CERKL: variants seen among roughly 807,000 people sequenced by gnomAD.
The protein encoded by CERKL is CERK like autophagy regulator.
In CERKL, 61 loss-of-function variants were observed where a neutral mutation model predicts 63.4. The observed-to-expected ratio is 0.96, with a 90% CI of 0.78 to 1.19. The LOEUF is 1.19. Among genes scored for constraint, CERKL ranks in the 50% most tolerant of loss-of-function variants. CERKL has a pLI of 0.00. For missense variants in CERKL, 675 were observed against 655.5 expected (o/e 1.03, Z -0.33); for synonymous variants, 250 against 230.5 (o/e 1.08, Z -0.77).
chr2:181,537,286 CTATA>C lies in CERKL; in HGVS notation c.*894_*897del, dbSNP rs1559063321. 1 of 453,600 alleles carries C rather than the reference CTATA, an allele frequency of 2.2e-6. No homozygotes were observed. Among genetic ancestry groups the C allele is most frequent in the South Asian group, 1.6e-5 (1 of 64,468 alleles). The allele number at this position is 453,600 out of a possible 1,614,324, so 28.1% of individuals were successfully genotyped here. A position where few individuals can be genotyped will look rare whatever the true frequency, so the allele number is the denominator to read the frequency against. On this transcript the variant is annotated 3_prime_UTR_variant, in exon 13 of 13. Coordinates refer to ENST00000410087, the MANE Select transcript of CERKL (RefSeq NM_201548.5). ...CCTACTCAGAACTACTCAGAAACAA[CTATA>C]TATTTCAGGTTATCTGAGCACAGTG...
rs996686549 is a variant in CERKL, at chr2:181,536,711, CTA to C, written c.*1471_*1472del. ...AAAATATTTTTATAGTTTGTTCATA[CTA>C]TATGAGGTTCTATTTTAAATGACTT... On this transcript the variant is annotated 3_prime_UTR_variant, in exon 13 of 13. Transcript: ENST00000410087. The C allele has an allele frequency of 6.9e-5, 15 of 215,886 alleles. No homozygotes were observed. The highest frequency in any genetic ancestry group is 1.2e-4 in the African/African-American group (5 of 42,440). The allele number at this position is 215,886 out of a possible 1,614,324, so 13.4% of individuals were successfully genotyped here.
Position 181,537,123 on chromosome 2 carries a change from T to A in CERKL, c.*1061A>T, listed in dbSNP as rs201830699. 8.8e-6 allele frequency: 4 copies of A among 453,114 alleles called. No homozygotes were observed. The highest frequency in any genetic ancestry group is 6.2e-5 in the South Asian group (4 of 64,324). 28.1% of individuals were successfully genotyped at this position (453,114 alleles called of 1,614,324 possible). On this transcript the variant is annotated 3_prime_UTR_variant, in exon 13 of 13. Transcript: ENST00000410087. ...TAAACTTTATGACATTTATGTATTT[T>A]TAAAAAACTTTGTATCGTTATAAAA...
intron 1 of CERKL, among the ~76,000 whole-genome samples, chr2:181,633,975 A>C (rs1687070807): frequency 6.6e-6 from 1 of 152,178 alleles, no homozygotes; most frequent in South Asian, 2.1e-4. Context: ...ATAGACAGAA[A>C]TTTTCAACTT....
chr2:181,604,823 A>G lies in CERKL; in HGVS notation c.239-744T>C, dbSNP rs1685610915. On this transcript the variant is annotated intron_variant, in intron 1 of 12. Transcript: ENST00000410087. Reference sequence around the variant, plus strand: ...GAAACATTATAAACTCTGTCAATCTAGGAGGAAATAGCCCCCTGAATTTAA... The same window carrying G: ...GAAACATTATAAACTCTGTCAATCTGGGAGGAAATAGCCCCCTGAATTTAA... 2.0e-5 allele frequency among the ~76,000 whole-genome samples: 3 copies of G among 152,062 alleles called. No individual in the cohort carries two copies. The South Asian group carries it at 6.2e-4, about 32-fold the overall frequency.
At chr2:181,584,221 C>A (rs149989206) in intron 2 of CERKL, among the ~76,000 whole-genome samples, 1 of 151,924 alleles carries the variant, frequency 6.6e-6, no homozygotes, top group Non-Finnish European at 1.5e-5. Flanking sequence ...TCTTAATAAC[C>A]GCCATATTGG....
At chr2:181,596,446 G>T (rs1161391476) in intron 2 of CERKL, among the ~76,000 whole-genome samples, 3 of 152,106 alleles carry the variant, frequency 2.0e-5, no homozygotes, top group Non-Finnish European at 4.4e-5. Flanking sequence ...AGAGCTAATT[G>T]CTTTTAGCTG....
At chr2:181,654,667 T>C (rs926630368) in intron 1 of CERKL, among the ~76,000 whole-genome samples, 10 of 152,222 alleles carry the variant, frequency 6.6e-5, no homozygotes, top group Admixed American at 3.9e-4. Context: ...TGTAGCTCCC[T>C]CTTCCATTTA....
intron 1 of CERKL, among the ~76,000 whole-genome samples, chr2:181,631,861 T>C (rs185069377): frequency 1.3e-5 from 2 of 152,340 alleles, no homozygotes; most frequent in Admixed American, 6.5e-5. Context: ...ATTTTGCTTT[T>C]CCCTATGTCA....
intron 5 of CERKL, among the ~76,000 whole-genome samples, chr2:181,553,506 A>G (rs933602598): frequency 1.3e-5 from 2 of 152,210 alleles, no homozygotes; most frequent in African/African-American, 4.8e-5. Context: ...TGCAATAGAG[A>G]ATGACACATA....
chr2:181,628,530 A>G (rs1574514717), intron 1 of CERKL, among the ~76,000 whole-genome samples: 1 of 152,192 alleles, frequency 6.6e-6, no homozygotes. Context: ...AGTAACCCCC[A>G]AAGATTAGTC....
chr2:181,547,960 G>T, intron 8 of CERKL, 113 bp from the exon 9 acceptor site: 1 of 1,031,642 alleles, frequency 9.7e-7, no homozygotes, highest in Non-Finnish European at 1.5e-6. Context: ...CATTATATAT[G>T]TTAAATACTT....
intron 3 of CERKL, among the ~76,000 whole-genome samples, chr2:181,568,515 C>T (rs1053888699): frequency 6.6e-6 from 1 of 152,098 alleles, no homozygotes; most frequent in Admixed American, 6.6e-5. Flanking sequence ...AGCTAATTCC[C>T]TAAATTAGCT....
rs190547927 is a variant in CERKL, at chr2:181,554,488, G to A, written c.820+4078C>T. Among the ~76,000 whole-genome samples the A allele has an allele frequency of 1.8e-3, 267 of 152,242 alleles. 2 individuals are homozygous for A. The highest frequency in any genetic ancestry group is 5.7e-3 in the African/African-American group (237 of 41,544). On this transcript the variant is annotated intron_variant, in intron 5 of 12. Coordinates refer to ENST00000410087, the MANE Select transcript of CERKL (RefSeq NM_201548.5). Reference sequence around the variant, plus strand: ...TATGGTTCACAGCCATCAGTATGTGGCTTGAGCCTTGTTTTACAACAACTG... The same window carrying A: ...TATGGTTCACAGCCATCAGTATGTGACTTGAGCCTTGTTTTACAACAACTG...
intron 2 of CERKL, among the ~76,000 whole-genome samples, chr2:181,588,795 C>G (rs534501870): frequency 1.3e-5 from 2 of 152,036 alleles, no homozygotes; most frequent in Non-Finnish European, 2.9e-5. Flanking sequence ...AAGTGTGAGG[C>G]GATATCTCAC....
At chr2:181,591,894 C>T (rs1574478824) in intron 2 of CERKL, among the ~76,000 whole-genome samples, 4 of 152,104 alleles carry the variant, frequency 2.6e-5, no homozygotes, top group Admixed American at 2.0e-4. Context: ...CCAAAATAAA[C>T]AAGAGTTTCT....
intron 5 of CERKL, among the ~76,000 whole-genome samples, chr2:181,553,801 T>C (rs1688090951): frequency 6.6e-6 from 1 of 152,164 alleles, no homozygotes; most frequent in Non-Finnish European, 1.5e-5. Flanking sequence ...TATGAGAAAG[T>C]ATATGTAAAA....
chr2:181,573,555 G>T (rs1245929071), intron 3 of CERKL, among the ~76,000 whole-genome samples, 198 bp downstream of exon 3: 1 of 151,956 alleles, frequency 6.6e-6, no homozygotes, highest in Non-Finnish European at 1.5e-5. Context: ...ATTCTAAAGA[G>T]AAAATATTAA....
intron 1 of CERKL, among the ~76,000 whole-genome samples, chr2:181,604,774 C>A (rs1301272307): frequency 6.6e-6 from 1 of 151,976 alleles, no homozygotes; most frequent in Non-Finnish European, 1.5e-5. Flanking sequence ...AAAGAGGAAG[C>A]AGAAGTACAA....
In CERKL at chr2:181,615,748, G is replaced by T. The variant is rs182020690; in HGVS notation, c.239-11669C>A. ...CAATAAATTTAAACACACTTTAATT[G>T]TTAGAAGAAAACACAATTTAATTGT... On this transcript the variant is annotated intron_variant, in intron 1 of 12. Coordinates refer to ENST00000410087, the MANE Select transcript of CERKL (RefSeq NM_201548.5). 1.3e-5 allele frequency among the ~76,000 whole-genome samples: 2 copies of T among 152,308 alleles called. 1 individual carries two copies. Among genetic ancestry groups the T allele is most frequent in the Admixed American group, 1.3e-4 (2 of 15,296 alleles).
Sources: allele counts gnomAD v4.1 joint callset (sites outside exome capture counted in the v4.1 genomes callset), GRCh38; gene constraint gnomAD v4.1.1; transcripts MANE v1.5; gene names NCBI Gene and HGNC (gene_info 2026-07-23, HGNC 2026-07-21).